COL6A2: variants seen among roughly 807,000 people sequenced by gnomAD.
COL6A2 encodes collagen alpha-2(VI) chain.
Under a neutral mutation model 124.9 loss-of-function variants are expected in COL6A2, and 90 were observed. The observed-to-expected ratio is 0.72, with a 90% CI of 0.61 to 0.86. COL6A2 has a LOEUF of 0.86. Among genes scored for constraint, COL6A2 ranks in the 40% least tolerant of loss-of-function variants. The probability of loss-of-function intolerance (pLI) is 0.00; values close to 1 mark genes in which losing one functional copy is unlikely to be tolerated. For synonymous variants in COL6A2, 793 were observed against 618.2 expected (o/e 1.28, Z -4.19); for missense variants, 1,607 against 1,502.5 (o/e 1.07, Z -1.15).
chr21:46,119,691 T>G, intron 14 of COL6A2, 97 bp from the exon 15 acceptor site: 1 of 1,128,224 alleles, frequency 8.9e-7, no homozygotes, highest in Non-Finnish European at 1.3e-6. Context: ...AGCCCTCCTG[T>G]AGAGAAGGAG....
intron 18 of COL6A2, 58 bp downstream of exon 18, chr21:46,121,676 C>A: frequency 6.4e-7 from 1 of 1,569,944 alleles, no homozygotes; most frequent in Non-Finnish European, 8.7e-7. Flanking sequence ...GCCTGAGGAG[C>A]AGGACAGGGG....
chr21:46,119,052 C>A lies in COL6A2; in HGVS notation c.1202C>A (p.Ala401Asp), dbSNP rs1450952977. ...GSKGYQGNSG[A>D]PGSPGVKGAK... Reference sequence around the variant, plus strand: ...CAGGGGTATCAAGGCAACAGTGGAGCCCCAGGAAGTCCTGGTGTGAAAGGA... The same window carrying A: ...CAGGGGTATCAAGGCAACAGTGGAGACCCAGGAAGTCCTGGTGTGAAAGGA... The change falls in exon 14 of 28, where the codon GCC (alanine) becomes GAC (aspartate). Residue 401 changes from alanine (A) to aspartate (D), a missense_variant. Ala to Asp is a moderately radical substitution (Grantham distance 126). Transcript: ENST00000300527. 9 of 1,612,058 alleles carry A rather than the reference C, an allele frequency of 5.6e-6. No individual in the cohort carries two copies. The highest frequency in any genetic ancestry group is 2.2e-5 in the East Asian group (1 of 44,810).
chr21:46,131,462 C>T (rs1420658131), intron 27 of COL6A2, among the ~76,000 whole-genome samples: 1 of 152,210 alleles, frequency 6.6e-6, no homozygotes, highest in African/African-American at 2.4e-5. Context: ...GGCTCCTGGT[C>T]TTTCCGGGAG....
rs140097446 is a variant in COL6A2, at chr21:46,124,681, C to G, written c.1702C>G (p.Pro568Ala). ...TCCTGGTCCCCCTGGTGAGCCAGGC[C>G]CTCGGGGGCCAAGAGGAGTCCCAGG... ...ADPGPPGEPGPRGPRGVPGPE... is the reference protein window; with the variant it reads ...ADPGPPGEPGARGPRGVPGPE... Residue 568 changes from proline to alanine, a missense_variant, in exon 22 of 28, where the codon CCT becomes GCT. Coordinates refer to ENST00000300527, the MANE Select transcript of COL6A2 (RefSeq NM_001849.4). 6.2e-7 allele frequency: 1 copy of G among 1,612,942 alleles called. No individual in the cohort carries two copies. The highest frequency in any genetic ancestry group is 8.5e-7 in the Non-Finnish European group (1 of 1,179,946).
At chr21:46,115,765 A>C in intron 5 of COL6A2, 107 bp from the exon 6 acceptor site, 2 of 978,474 alleles carry the variant, frequency 2.0e-6, no homozygotes, top group Non-Finnish European at 3.2e-6. Context: ...TGGGCAGGGG[A>C]ATCAGTAACC....
intron 27 of COL6A2, 78 bp downstream of exon 27, chr21:46,126,619 G>A: frequency 6.3e-7 from 1 of 1,574,906 alleles, no homozygotes; most frequent in Non-Finnish European, 8.7e-7. Context: ...GGGCCGGGCT[G>A]GGGGAGGGGC....
intron 12 of COL6A2, 126 bp downstream of exon 12, chr21:46,118,062 A>C (rs1057382847): frequency 2.2e-6 from 2 of 900,142 alleles, no homozygotes; most frequent in African/African-American, 3.3e-5. Flanking sequence ...GTGAGGAGCC[A>C]ATGGCCGTGG....
chr21:46,101,801 GA>G (rs1401249489), intron 1 of COL6A2, among the ~76,000 whole-genome samples: 1 of 143,614 alleles, frequency 7.0e-6, no homozygotes, highest in Non-Finnish European at 1.5e-5. Flanking sequence ...AGTAAGTTTT[GA>G]AATTAGGACA....
In COL6A2 at chr21:46,112,809, C is replaced by G; in HGVS notation, c.720C>G (p.His240Gln). 1 of 1,613,778 alleles carries G rather than the reference C, an allele frequency of 6.2e-7. No individual in the cohort carries two copies. The highest frequency in any genetic ancestry group is 1.1e-5 in the South Asian group (1 of 91,078). ...CATGTCTGTCTTTTCTGCAGAAACA[C>G]GAAGCCTACGGAGAGGTGAGTGGCG... ...TINRIIKVMK[H>Q]EAYGECYKVS... The change falls in exon 4 of 28, where the codon CAC becomes CAG. Residue 240 changes from histidine (H) to glutamine (Q), a missense_variant. By Grantham distance (24) the His-to-Gln change is conservative. Transcript: ENST00000300527.
At chr21:46,131,910 G>A (rs755428353) in intron 27 of COL6A2, 44 bp from the exon 28 acceptor site, 3 of 1,532,806 alleles carry the variant, frequency 2.0e-6, no homozygotes, top group South Asian at 2.4e-5. Context: ...GCCCGGTCCT[G>A]CCCACCTCCC....
chr21:46,103,037 G>A (rs1218594042), intron 1 of COL6A2, among the ~76,000 whole-genome samples: 2 of 152,116 alleles, frequency 1.3e-5, no homozygotes. Context: ...CACCAGTGCA[G>A]CCATCAGGTC....
intron 4 of COL6A2, among the ~76,000 whole-genome samples, chr21:46,113,357 C>G (rs951721406): frequency 2.6e-5 from 4 of 152,082 alleles, no homozygotes; most frequent in Non-Finnish European, 5.9e-5. Flanking sequence ...GCTCTTCCAT[C>G]CTTTTGTAAA....
rs1307776890 is a variant in COL6A2, at chr21:46,116,132, G to GGCCTCA, written c.900+85_900+90dup. 3 of 1,444,296 alleles carry GGCCTCA rather than the reference G, an allele frequency of 2.1e-6. No homozygotes were observed. In the African/African-American group the frequency reaches 4.2e-5, roughly 20 times the overall value. The allele number at this position is 1,444,296 out of a possible 1,614,324, so 89.5% of individuals were successfully genotyped here. A position where few individuals can be genotyped will look rare whatever the true frequency, so the allele number is the denominator to read the frequency against. ...GGCAGGCTCCCCCCAGCCCAGCCTC[G>GGCCTCA]GCCTCAGCCTCTACGACCCTCCCCC... On this transcript the variant is annotated intron_variant, in intron 7 of 27. Coordinates refer to ENST00000300527, the MANE Select transcript of COL6A2 (RefSeq NM_001849.4). The surrounding 1 kb of genome is among the most constrained non-coding windows in gnomAD (Gnocchi z 4.6).
chr21:46,108,969 C>T (rs961587088), intron 1 of COL6A2, among the ~76,000 whole-genome samples: 2 of 152,136 alleles, frequency 1.3e-5, no homozygotes, highest in Non-Finnish European at 2.9e-5. Context: ...ACAGGAGACC[C>T]GCAGGGGGCA....
chr21:46,115,035 C>G (rs1188174789), intron 5 of COL6A2, among the ~76,000 whole-genome samples: 3 of 152,266 alleles, frequency 2.0e-5, no homozygotes, highest in African/African-American at 7.2e-5. Flanking sequence ...CAGGTCAAAT[C>G]CTGCCATCTC....
chr21:46,132,267 C>T lies in COL6A2; in HGVS notation c.2775C>T (p.Ile925=). ...TGGGCGCAGGCGTGGTGCACGCCATCAATGCCATCGTGCGCAGCCCGCGTG... is the reference window on the plus strand; with the variant it reads ...TGGGCGCAGGCGTGGTGCACGCCATTAATGCCATCGTGCGCAGCCCGCGTG... The part of the protein sequence containing the change: ...SHVGAGVVHA[I]NAIVRSPRGG... The change falls in exon 28 of 28, where the codon ATC becomes ATT. Residue 925 remains isoleucine, a synonymous_variant. Transcript: ENST00000300527. 1.2e-6 allele frequency: 2 copies of T among 1,606,708 alleles called. No individual in the cohort carries two copies. Among genetic ancestry groups the T allele is most frequent in the South Asian group, 2.2e-5 (2 of 90,626 alleles).
intron 4 of COL6A2, chr21:46,113,052 C>T (rs2078426789): frequency 1.1e-5 from 7 of 619,124 alleles, no homozygotes; most frequent in Non-Finnish European, 2.0e-5. Context: ...CCACAGAGCA[C>T]GTGTTACAAG....
At chr21:46,117,277 G>C in intron 10 of COL6A2, 123 bp from the exon 11 acceptor site, 1 of 985,148 alleles carries the variant, frequency 1.0e-6, no homozygotes, top group Non-Finnish European at 1.6e-6. Flanking sequence ...GTGGGCACCC[G>C]TGTGCCAGGA....
chr21:46,123,057 C>A, intron 21 of COL6A2, 120 bp downstream of exon 21: 1 of 944,880 alleles, frequency 1.1e-6, no homozygotes, highest in East Asian at 2.5e-5. Flanking sequence ...CAGCCATGAG[C>A]ACCACCCCCA....
Sources: allele counts gnomAD v4.1 joint callset (sites outside exome capture counted in the v4.1 genomes callset), GRCh38; gene constraint gnomAD v4.1.1; non-coding constraint Gnocchi (gnomAD v3.1); transcripts MANE v1.5; gene names NCBI Gene and HGNC (gene_info 2026-07-23, HGNC 2026-07-21).